GBP3: variants seen among roughly 807,000 people sequenced by gnomAD.
GBP3 encodes the protein guanylate-binding protein 3.
Under a neutral mutation model 62.4 loss-of-function variants are expected in GBP3, and 55 were observed. The observed-to-expected ratio is 0.88, with a 90% CI of 0.71 to 1.10. The LOEUF is 1.10. GBP3 is among the 50% of genes least tolerant of loss of function. The pLI, the probability that GBP3 is intolerant of heterozygous loss-of-function variation, is 0.00. For missense variants in GBP3, 605 were observed against 690.6 expected (o/e 0.88, Z 1.39); for synonymous variants, 208 against 259.2 (o/e 0.80, Z 1.90).
At chr1:89,021,510 G>GCACGCA (rs1553178199) in intron 1 of GBP3, among the ~76,000 whole-genome samples, 1 of 131,668 alleles carries the variant, frequency 7.6e-6, no homozygotes, top group Non-Finnish European at 1.6e-5. Context: ...GCGCGCGCGC[G>GCACGCA]CACACACACA....
rs777259244 is a variant in GBP3 at position 89,020,652 on chromosome 1, T to A, written c.70A>T (p.Asn24Tyr). The change falls in exon 2 of 11, where the codon AAT (asparagine) becomes TAT (tyrosine). Residue 24 changes from asparagine (N) to tyrosine (Y), a missense_variant. Physicochemically the swap from Asn to Tyr is moderately radical, Grantham distance 143. Transcript: ENST00000370481. ...IENTNGELVA[N>Y]PEALKILSAI... ...GACAGGATTTTCAGAGCTTCTGGATTCGCCACCAGTTCCCCATTAGTGTTC... is the reference window on the plus strand; with the variant it reads ...GACAGGATTTTCAGAGCTTCTGGATACGCCACCAGTTCCCCATTAGTGTTC... 1.2e-6 allele frequency: 2 copies of A among 1,614,198 alleles called. No individual in the cohort carries two copies. Among genetic ancestry groups the A allele is most frequent in the East Asian group, 4.5e-5 (2 of 44,888 alleles).
rs1678679045 is a variant in GBP3 at position 89,013,276 on chromosome 1, T to C, written c.777A>G (p.Glu259=). The C allele has an allele frequency of 1.2e-6, 2 of 1,614,190 alleles. No homozygotes were observed. Among genetic ancestry groups the C allele is most frequent in the Non-Finnish European group, 1.7e-6 (2 of 1,180,034 alleles). The change falls in exon 6 of 11, where the codon GAA becomes GAG. Residue 259 remains glutamate (E), a synonymous_variant. Transcript: ENST00000370481. ...EKLQDEELDP[E]FVQQVADFCS... ...AGAAGTCTGCTACTTGTTGCACAAA[T>C]TCAGGGTCCAGCTCTTCATCTTGTA...
intron 2 of GBP3, among the ~76,000 whole-genome samples, chr1:89,017,757 A>G (rs1344948297): frequency 1.3e-5 from 2 of 151,960 alleles, no homozygotes; most frequent in Non-Finnish European, 2.9e-5. Context: ...ATACTACTTC[A>G]CATCCATTAG....
chr1:89,022,753 AC>A lies in GBP3; in HGVS notation c.-93del, dbSNP rs1679317849. 6.6e-6 allele frequency: 1 copy of A among 152,172 alleles called. No individual in the cohort carries two copies. The highest frequency in any genetic ancestry group is 1.5e-5 in the Non-Finnish European group (1 of 68,038). 9.4% of individuals were successfully genotyped at this position (152,172 alleles called of 1,614,324 possible). ...CTCTTTTCTTTCGCTGGATCGCTGG[AC>A]TTTTATTTCACCCCTTCAGTGTTGT... is the stretch of plus-strand genomic sequence containing the variant. On this transcript the variant is annotated 5_prime_UTR_variant, in exon 1 of 11. Coordinates refer to ENST00000370481, the MANE Select transcript of GBP3 (RefSeq NM_018284.3).
Position 89,020,722 on chromosome 1 carries a change from G to T in GBP3, c.-1C>A, listed in dbSNP as rs1479881268. The T allele has an allele frequency of 2.5e-6, 4 of 1,613,332 alleles. No homozygotes were observed. The highest frequency in any genetic ancestry group is 3.4e-6 in the Non-Finnish European group (4 of 1,179,448). On this transcript the variant is annotated 5_prime_UTR_variant, in exon 2 of 11. Coordinates refer to ENST00000370481, the MANE Select transcript of GBP3 (RefSeq NM_018284.3). ...CTGTCATGTGGATCTCTGGAGCCAT[G>T]TCCAGGGCATTGTTCTCTTGTCTGC...
At chr1:89,009,185 T>C in intron 9 of GBP3, 45 bp from the exon 10 acceptor site, 1 of 1,580,736 alleles carries the variant, frequency 6.3e-7, no homozygotes, top group African/African-American at 1.3e-5. Context: ...TCTTGTTGCC[T>C]CATTCTTAGT....
intron 2 of GBP3, among the ~76,000 whole-genome samples, chr1:89,016,408 A>G (rs1244355279): frequency 1.3e-5 from 2 of 151,972 alleles, no homozygotes; most frequent in African/African-American, 4.8e-5. Flanking sequence ...AATCCCAGCT[A>G]CTCGGGTGGC....
At chr1:89,009,537 G>A in intron 8 of GBP3, 43 bp from the exon 9 acceptor site, 3 of 1,607,806 alleles carry the variant, frequency 1.9e-6, no homozygotes, top group Non-Finnish European at 2.5e-6. Flanking sequence ...GGAAATGGCT[G>A]TAAGCAGGTT....
At position 89,014,371 on chromosome 1, in the gene GBP3, A is replaced by C. The variant is rs780509985; in HGVS notation, c.429-92T>G. On this transcript the variant is annotated intron_variant, in intron 4 of 10. Coordinates refer to ENST00000370481, the MANE Select transcript of GBP3 (RefSeq NM_018284.3). ...TTCCCAAACCTTCCATTTTCCTTTG[A>C]TCCTAACCTAAGTGTCAATTCTAAA... is the stretch of plus-strand genomic sequence containing the variant. The C allele has an allele frequency of 7.5e-6, 12 of 1,600,814 alleles. No homozygotes were observed. The Admixed American group carries it at 1.4e-4, about 19-fold the overall frequency.
At position 89,007,869 on chromosome 1, in the gene GBP3, G is replaced by A; in HGVS notation, c.1660-17C>T. ...GGCCTGTTCCTAAAAAGGGACAAATGGAGGCTAAATAAGTGTAGCATTAAG... is the reference window on the plus strand; with the variant it reads ...GGCCTGTTCCTAAAAAGGGACAAATAGAGGCTAAATAAGTGTAGCATTAAG... On this transcript the variant is annotated splice_polypyrimidine_tract_variant and intron_variant, in intron 10 of 10. Coordinates refer to ENST00000370481, the MANE Select transcript of GBP3 (RefSeq NM_018284.3). 2 of 1,607,724 alleles carry A rather than the reference G, an allele frequency of 1.2e-6. No individual in the cohort carries two copies. The highest frequency in any genetic ancestry group is 1.7e-6 in the Non-Finnish European group (2 of 1,177,522).
rs892402177 is a variant in GBP3, at chr1:89,012,964, A to C, written c.868+221T>G. On this transcript the variant is annotated intron_variant, in intron 6 of 10. Transcript: ENST00000370481. ...GCAATTCTCCTGCCTCAGCCTCCCA[A>C]GTAGCTGGGATTACAGGTATGTGCC... Among the ~76,000 whole-genome samples the C allele has an allele frequency of 2.6e-5, 4 of 150,992 alleles. 1 individual carries two copies. Among genetic ancestry groups the C allele is most frequent in the Admixed American group, 6.6e-5 (1 of 15,088 alleles).
At chr1:89,012,924 G>A (rs1399719530) in intron 6 of GBP3, among the ~76,000 whole-genome samples, 6 of 145,942 alleles carry the variant, frequency 4.1e-5, no homozygotes. Context: ...TGCAACCTCT[G>A]CCTCCCAGGT....
intron 9 of GBP3, 75 bp from the exon 10 acceptor site, chr1:89,009,215 G>T: frequency 6.7e-7 from 1 of 1,483,360 alleles, no homozygotes; most frequent in Non-Finnish European, 9.3e-7. Context: ...ACCCTCCATT[G>T]TTGCTGCTGA....
rs1411416496 is a variant in GBP3 at position 89,020,585 on chromosome 1, A to G, written c.137T>C (p.Leu46Pro). The G allele has an allele frequency of 3.7e-6, 6 of 1,614,032 alleles. No individual in the cohort carries two copies. Among genetic ancestry groups the G allele is most frequent in the Admixed American group, 1.7e-5 (1 of 59,998 alleles). The change falls in exon 2 of 11, where the codon CTC becomes CCC. Residue 46 changes from leucine (L) to proline (P), a missense_variant. Transcript: ENST00000370481. ...CAGGTAGGATTTTCCTGTGCGGTAG[A>G]GGCCCACAATTGCCACCACCACCAC... ...QPVVVVAIVGLYRTGKSYLMN... is the reference protein window; with the variant it reads ...QPVVVVAIVGPYRTGKSYLMN...
Position 89,009,443 on chromosome 1 carries a change from C to T in GBP3, c.1414G>A (p.Ala472Thr). 3 of 1,614,162 alleles carry T rather than the reference C, an allele frequency of 1.9e-6. No individual in the cohort carries two copies. The highest frequency in any genetic ancestry group is 2.5e-6 in the Non-Finnish European group (3 of 1,180,014). The change falls in exon 9 of 11, where the codon GCA becomes ACA. Residue 472 changes from alanine to threonine, a missense_variant. Ala to Thr is a moderately conservative substitution (Grantham distance 58, BLOSUM62 0). Transcript: ENST00000370481. ...YLKSKESVTDAILQTDQILTE... is the reference protein window; with the variant it reads ...YLKSKESVTDTILQTDQILTE... ...AGAATCTGGTCTGTCTGTAGAATTGCATCGGTCACAGACTCCTTGGATTTC... is the reference window on the plus strand; with the variant it reads ...AGAATCTGGTCTGTCTGTAGAATTGTATCGGTCACAGACTCCTTGGATTTC...
At chr1:89,009,545 G>C (rs1678441154) in intron 8 of GBP3, 51 bp from the exon 9 acceptor site, 2 of 1,605,408 alleles carry the variant, frequency 1.2e-6, no homozygotes, top group Non-Finnish European at 1.7e-6. Context: ...CTGTAAGCAG[G>C]TTTTCCTGTT....
rs1297677033 is a variant in GBP3 at position 89,022,705 on chromosome 1, A to G, written c.-44T>C. 6.6e-6 allele frequency: 1 copy of G among 152,258 alleles called. No individual in the cohort carries two copies. Among genetic ancestry groups the G allele is most frequent in the Non-Finnish European group, 1.5e-5 (1 of 68,062 alleles). The allele number at this position is 152,258 out of a possible 1,614,324, so 9.4% of individuals were successfully genotyped here. A position where few individuals can be genotyped will look rare whatever the true frequency, so the allele number is the denominator to read the frequency against. On this transcript the variant is annotated 5_prime_UTR_variant, in exon 1 of 11. Transcript: ENST00000370481. ...TTACCTGTGCTTTTATCTTCAGTCC[A>G]GGTAAAGTTGTTTCTGTCACTTCTC... is the stretch of plus-strand genomic sequence containing the variant.
intron 10 of GBP3, 134 bp downstream of exon 10, chr1:89,008,813 G>A (rs1192635042): frequency 1.6e-5 from 24 of 1,485,268 alleles, no homozygotes; most frequent in Non-Finnish European, 2.1e-5. Flanking sequence ...CAGACAGACA[G>A]AAACAAGAAA....
chr1:89,009,175 T>C (rs746814079), intron 9 of GBP3, 35 bp from the exon 10 acceptor site: 2 of 1,598,318 alleles, frequency 1.3e-6, no homozygotes, highest in South Asian at 2.2e-5. Flanking sequence ...TGTGGAGTTA[T>C]CTTGTTGCCT....
Sources: allele counts gnomAD v4.1 joint callset (sites outside exome capture counted in the v4.1 genomes callset), GRCh38; gene constraint gnomAD v4.1.1; transcripts MANE v1.5; gene names NCBI Gene and HGNC (gene_info 2026-07-23, HGNC 2026-07-21).